PRKAR1A: variants seen among roughly 807,000 people sequenced by gnomAD.
PRKAR1A encodes protein kinase cAMP-dependent type I regulatory subunit alpha.
Under a neutral mutation model 52.0 loss-of-function variants are expected in PRKAR1A, and 3 were observed. The ratio of observed to expected loss-of-function variants is 0.06; its 90% confidence interval spans 0.03 to 0.15. The LOEUF (loss-of-function observed/expected upper bound fraction) is 0.15. Among genes scored for constraint, PRKAR1A ranks in the 10% least tolerant of loss-of-function variants. The pLI is 1.00. For missense variants in PRKAR1A, 240 were observed against 477.4 expected (o/e 0.50, Z 4.63); for synonymous variants, 188 against 168.4 (o/e 1.12, Z -0.90).
At chr17:68,542,212 G>T in intron 11 of PRKAR1A, 2 of 1,602,588 alleles carry the variant, frequency 1.2e-6, no homozygotes, top group Non-Finnish European at 1.7e-6. Flanking sequence ...GGGCTCTGGA[G>T]GCATGACATC....
downstream of PRKAR1A, among the ~76,000 whole-genome samples, chr17:68,534,166 A>G (rs370032690): frequency 2.0e-5 from 3 of 152,242 alleles, no homozygotes; most frequent in Non-Finnish European, 2.9e-5. Context: ...GTTTCTTGAC[A>G]TAAGTTCAGA....
the PRKAR1A span, among the ~76,000 whole-genome samples, chr17:68,433,760 G>GTTTTGTTTTTTT: frequency 1.4e-5 from 1 of 72,822 alleles, no homozygotes; most frequent in African/African-American, 6.5e-5. Flanking sequence ...AAGGGTCATA[G>GTTTTGTTTTTTT]TTTTTTTTTT....
intron 10 of PRKAR1A, 22 bp from the exon 11 acceptor site, chr17:68,530,255 T>C (rs777716321): frequency 7.4e-6 from 12 of 1,613,480 alleles, no homozygotes; most frequent in Non-Finnish European, 9.3e-6. Flanking sequence ...GTTAGCCTGT[T>C]ACCCATCTTT....
the PRKAR1A span, among the ~76,000 whole-genome samples, chr17:68,489,196 A>ATATATATATATGGAAAG: frequency 6.1e-5 from 2 of 32,902 alleles, no homozygotes; most frequent in East Asian, 2.1e-3. Flanking sequence ...GTATATATAT[A>ATATATATATATGGAAAG]TATATATATA....
Position 68,531,381 on chromosome 17 carries a change from T to G in PRKAR1A, c.*932T>G. 5 of 1,065,716 alleles carry G rather than the reference T, an allele frequency of 4.7e-6. No individual in the cohort carries two copies. The highest frequency in any genetic ancestry group is 5.7e-6 in the Non-Finnish European group (5 of 879,452). 66.0% of individuals were successfully genotyped at this position (1,065,716 alleles called of 1,614,324 possible). On this transcript the variant is annotated 3_prime_UTR_variant, in exon 11 of 11. Coordinates refer to ENST00000589228, the MANE Select transcript of PRKAR1A (RefSeq NM_002734.5). ...AATCTCCTCTGCTCATTAAACTGAT[T>G]CCAGGAGATTGGATTTGCTGTGACT...
At chr17:68,450,908 A>C in the PRKAR1A span, 5 of 1,609,356 alleles carry the variant, frequency 3.1e-6, no homozygotes, top group Non-Finnish European at 4.2e-6. Context: ...CTGGGAGGAA[A>C]AGCAGCCGGG....
chr17:68,457,525 C>T, the PRKAR1A span: 1 of 543,616 alleles, frequency 1.8e-6, no homozygotes, highest in African/African-American at 5.3e-5. Flanking sequence ...TGCCCCGCCC[C>T]TACCCCGCCC....
chr17:68,491,798 A>G, the PRKAR1A span, among the ~76,000 whole-genome samples: 2 of 152,168 alleles, frequency 1.3e-5, no homozygotes, highest in Non-Finnish European at 1.5e-5. Context: ...CAAAAAAAAA[A>G]AGAAAAAAGT....
chr17:68,481,279 T>C, the PRKAR1A span, among the ~76,000 whole-genome samples: 1 of 152,162 alleles, frequency 6.6e-6, no homozygotes, highest in Non-Finnish European at 1.5e-5. Flanking sequence ...AGTGGGATGG[T>C]TTTGGGATGA....
At chr17:68,427,055 G>A in the PRKAR1A span, 3 of 1,191,540 alleles carry the variant, frequency 2.5e-6, no homozygotes, top group Non-Finnish European at 1.2e-6. Flanking sequence ...AGTGAAGGGG[G>A]AAGGGGAGGG....
At chr17:68,512,641 G>A (rs2085294501) in intron 1 of PRKAR1A, 93 bp downstream of exon 1, 1 of 152,324 alleles carries the variant, frequency 6.6e-6, no homozygotes, top group Non-Finnish European at 1.5e-5. Context: ...TGGCGTCACG[G>A]GGAGCGACCT....
At chr17:68,448,868 A>G in the PRKAR1A span, among the ~76,000 whole-genome samples, 2 of 152,152 alleles carry the variant, frequency 1.3e-5, no homozygotes, top group African/African-American at 4.8e-5. Flanking sequence ...AAAACTCTCA[A>G]ACTGCCTTTC....
chr17:68,496,679 G>A, the PRKAR1A span, among the ~76,000 whole-genome samples: 5 of 152,222 alleles, frequency 3.3e-5, no homozygotes, highest in East Asian at 5.8e-4. Flanking sequence ...CACTCTCCTC[G>A]AATGTAGAAC....
chr17:68,529,065 C>T (rs976733690), intron 9 of PRKAR1A, 74 bp downstream of exon 9: 30 of 1,575,702 alleles, frequency 1.9e-5, no homozygotes, highest in Admixed American at 3.4e-5. Context: ...AAAAGTTGTA[C>T]GCTCTAAGAG....
chr17:68,477,762 G>A, the PRKAR1A span, among the ~76,000 whole-genome samples: 5 of 149,776 alleles, frequency 3.3e-5, no homozygotes, highest in East Asian at 1.9e-4. Flanking sequence ...CACTTTTGTC[G>A]ACTAGGCTGG....
the PRKAR1A span, among the ~76,000 whole-genome samples, chr17:68,444,900 C>A: frequency 2.2e-4 from 33 of 148,088 alleles, no homozygotes; most frequent in African/African-American, 7.7e-4. Flanking sequence ...TTCCTTAGAA[C>A]AGGGATCCTG....
At chr17:68,542,665 C>G (rs772663896) in intron 11 of PRKAR1A, 1 of 1,562,736 alleles carries the variant, frequency 6.4e-7, no homozygotes, top group Non-Finnish European at 8.8e-7. Context: ...CTACTCAGAC[C>G]CGGAATATCA....
intron 11 of PRKAR1A, chr17:68,543,769 A>G: frequency 6.6e-7 from 1 of 1,519,754 alleles, no homozygotes; most frequent in Non-Finnish European, 9.1e-7. Flanking sequence ...TTCAGCTGGG[A>G]GCCTGAGAAG....
the PRKAR1A span, among the ~76,000 whole-genome samples, chr17:68,467,270 G>A: frequency 1.3e-5 from 2 of 152,134 alleles, no homozygotes; most frequent in African/African-American, 4.8e-5. Flanking sequence ...AGAACACTCT[G>A]AACTCCTAGG....
Sources: gnomAD v4.1 joint callset for allele counts (sites outside exome capture counted in the v4.1 genomes callset) on GRCh38, gnomAD v4.1.1 for gene constraint, MANE v1.5 for transcripts, NCBI Gene and HGNC (gene_info 2026-07-23, HGNC 2026-07-21) for gene names.